The following CDH13 variants were observed in gnomAD, a reference collection of about 807,000 sequenced individuals.
CDH13 encodes cadherin 13, also known as cadherin-13.
In CDH13, 24 loss-of-function variants were observed where a neutral mutation model predicts 63.8. That is an observed-to-expected ratio of 0.38 (90% CI 0.27 to 0.53). CDH13 has a LOEUF of 0.53. CDH13 is among the 20% of genes least tolerant of loss of function. The probability of loss-of-function intolerance (pLI) is 0.85; values close to 1 mark genes in which losing one functional copy is unlikely to be tolerated. For missense variants in CDH13, 1,049 were observed against 903.1 expected (o/e 1.16, Z -2.07); for synonymous variants, 503 against 355.3 (o/e 1.42, Z -4.67).
chr16:83,713,525 T>A (rs1314461893), intron 10 of CDH13, among the ~76,000 whole-genome samples: 1 of 149,012 alleles, frequency 6.7e-6, no homozygotes, highest in East Asian at 2.0e-4. Context: ...AAAAAAAAAT[T>A]TCCTCTTCAA....
intron 5 of CDH13, among the ~76,000 whole-genome samples, chr16:83,257,053 G>T (rs200650416): frequency 6.6e-6 from 1 of 150,422 alleles, no homozygotes; most frequent in Non-Finnish European, 1.5e-5. Context: ...AACCAGTAAT[G>T]ATAAGTAATG....
intron 1 of CDH13, among the ~76,000 whole-genome samples, chr16:82,797,809 A>G (rs868351854): frequency 1.5e-4 from 13 of 89,460 alleles, no homozygotes; most frequent in South Asian, 8.2e-4. Flanking sequence ...GTGTGTGTGT[A>G]TACATGTGTA....
chr16:83,643,139 C>G (rs533103966), intron 8 of CDH13, among the ~76,000 whole-genome samples: 5 of 53,912 alleles, frequency 9.3e-5, no homozygotes, highest in African/African-American at 4.3e-4. Context: ...GTGGTGGGGT[C>G]GGGGGAGGGG....
chr16:82,934,423 AT>A (rs970405001), intron 2 of CDH13, among the ~76,000 whole-genome samples: 2 of 151,810 alleles, frequency 1.3e-5, no homozygotes, highest in Admixed American at 6.6e-5. Context: ...CCACAAAACC[AT>A]TTTTTCCATC....
intron 6 of CDH13, among the ~76,000 whole-genome samples, chr16:83,443,040 C>G (rs1164033873): frequency 6.6e-6 from 1 of 152,222 alleles, no homozygotes; most frequent in Non-Finnish European, 1.5e-5. Context: ...ACCAGCCACT[C>G]TGCAGTGCTA....
Position 83,668,744 on chromosome 16 carries a change from G to C in CDH13, c.1102-2046G>C, listed in dbSNP as rs75597405. Among the ~76,000 whole-genome samples, 510 of 152,288 alleles carry C rather than the reference G, an allele frequency of 3.3e-3. 7 individuals carry two copies. The highest frequency in any genetic ancestry group is 0.012 in the African/African-American group (491 of 41,544). ...TCTTTGGGTCACTAAACGACTTTGG[G>C]CAGCACTCTTCCTTCTTCCTTCCTT... is the stretch of plus-strand genomic sequence containing the variant. On this transcript the variant is annotated intron_variant, in intron 8 of 13. Coordinates refer to ENST00000567109, the MANE Select transcript of CDH13 (RefSeq NM_001257.5).
chr16:83,302,663 A>C (rs1371653738), intron 5 of CDH13, among the ~76,000 whole-genome samples: 1 of 152,192 alleles, frequency 6.6e-6, no homozygotes, highest in Non-Finnish European at 1.5e-5. Flanking sequence ...CCTGCTTTTA[A>C]GGAGCTCATA....
chr16:83,525,467 T>C lies in CDH13; in HGVS notation c.960+38812T>C, dbSNP rs147167004. Among the ~76,000 whole-genome samples the C allele has an allele frequency of 2.4e-4, 36 of 152,364 alleles. 1 individual carries two copies. The Middle Eastern group carries it at 0.01, about 43-fold the overall frequency. On this transcript the variant is annotated intron_variant, in intron 7 of 13. Coordinates refer to ENST00000567109, the MANE Select transcript of CDH13 (RefSeq NM_001257.5). ...TCCTAAGCCTAATTTGTAAATGCTA[T>C]GTTATACTGACTTGGTTGCAGTATT...
At chr16:83,528,658 A>C (rs1011246578) in intron 7 of CDH13, among the ~76,000 whole-genome samples, 1 of 152,210 alleles carries the variant, frequency 6.6e-6, no homozygotes, top group Non-Finnish European at 1.5e-5. Context: ...TAAATTTCCC[A>C]ACTATCTCCA....
At position 83,599,317 on chromosome 16, in the gene CDH13, G is replaced by A. The variant is rs574656918; in HGVS notation, c.961-3137G>A. On this transcript the variant is annotated intron_variant, in intron 7 of 13. Transcript: ENST00000567109. ...CTAGTCTCCCAATTTGCTTCACCGC[G>A]CAATGTCAGGAGCTGTCCTTTAGAG... Among the ~76,000 whole-genome samples the A allele has an allele frequency of 1.4e-4, 21 of 152,284 alleles. No individual in the cohort carries two copies. In the East Asian group the frequency reaches 2.3e-3, roughly 17 times the overall value.
intron 5 of CDH13, among the ~76,000 whole-genome samples, chr16:83,341,025 C>T (rs1044417287): frequency 2.6e-5 from 4 of 152,096 alleles, no homozygotes; most frequent in Admixed American, 2.6e-4. Context: ...ATTTCATTGC[C>T]TTCTGCCATG....
chr16:83,702,366 G>A (rs1348610808), intron 10 of CDH13, among the ~76,000 whole-genome samples: 2 of 152,158 alleles, frequency 1.3e-5, no homozygotes, highest in African/African-American at 4.8e-5. Flanking sequence ...CAGATGGTGG[G>A]GTGGGATGGC....
At chr16:83,061,173 G>A (rs1485643595) in intron 3 of CDH13, among the ~76,000 whole-genome samples, 2 of 152,128 alleles carry the variant, frequency 1.3e-5, no homozygotes, top group Non-Finnish European at 2.9e-5. Flanking sequence ...TTGGACCTAG[G>A]GCCCAGGTTT....
At chr16:83,383,959 C>T (rs1445610923) in intron 6 of CDH13, among the ~76,000 whole-genome samples, 1 of 152,148 alleles carries the variant, frequency 6.6e-6, no homozygotes, top group Non-Finnish European at 1.5e-5. Context: ...TATACATACA[C>T]ATATACATCC....
intron 4 of CDH13, among the ~76,000 whole-genome samples, chr16:83,196,294 A>G (rs759943165): frequency 2.0e-5 from 3 of 152,160 alleles, no homozygotes; most frequent in African/African-American, 2.4e-5. Context: ...ATGTTAACTC[A>G]AAGTGGATCA....
At chr16:83,697,934 C>T (rs1905634488) in intron 10 of CDH13, among the ~76,000 whole-genome samples, 1 of 152,236 alleles carries the variant, frequency 6.6e-6, no homozygotes, top group Non-Finnish European at 1.5e-5. Flanking sequence ...AGGCGTGAGC[C>T]ACTGCACCCA....
chr16:83,713,650 G>A (rs771435931), intron 10 of CDH13, among the ~76,000 whole-genome samples: 15 of 152,140 alleles, frequency 9.9e-5, no homozygotes, highest in Non-Finnish European at 2.1e-4. Context: ...CAGAATGGGG[G>A]TGGGGAAAGT....
At chr16:82,927,950 G>C (rs2042356793) in intron 2 of CDH13, among the ~76,000 whole-genome samples, 1 of 152,170 alleles carries the variant, frequency 6.6e-6, no homozygotes, top group Non-Finnish European at 1.5e-5. Flanking sequence ...ATAAGACATG[G>C]TCTAGTTGGG....
At chr16:83,309,142 T>A (rs987999863) in intron 5 of CDH13, among the ~76,000 whole-genome samples, 6 of 152,186 alleles carry the variant, frequency 3.9e-5, no homozygotes, top group African/African-American at 1.4e-4. Flanking sequence ...TGCATGTACA[T>A]GAGCCTCATT....
Sources: gnomAD v4.1 joint callset for allele counts (sites outside exome capture counted in the v4.1 genomes callset) on GRCh38, gnomAD v4.1.1 for gene constraint, MANE v1.5 for transcripts, NCBI Gene and HGNC (gene_info 2026-07-23, HGNC 2026-07-21) for gene names.